CPA6: variants seen among roughly 807,000 people sequenced by gnomAD.
CPA6 encodes the protein carboxypeptidase A6, also known as carboxypeptidase B.
In CPA6, 58 loss-of-function variants were observed where a neutral mutation model predicts 63.3. The observed-to-expected ratio is 0.92, with a 90% CI of 0.74 to 1.14. CPA6 has a LOEUF of 1.14. CPA6 is among the 50% of genes most tolerant of loss of function. The probability of loss-of-function intolerance (pLI) is 0.00; values close to 1 mark genes in which losing one functional copy is unlikely to be tolerated. For synonymous variants in CPA6, 185 were observed against 179.0 expected, an observed-to-expected ratio of 1.03 and a Z score of -0.27; for missense variants, 565 against 526.6, an observed-to-expected ratio of 1.07 and a Z score of -0.71.
chr8:67,595,344 T>C (rs1426918506), intron 2 of CPA6, among the ~76,000 whole-genome samples: 1 of 152,228 alleles, frequency 6.6e-6, no homozygotes, highest in African/African-American at 2.4e-5. Flanking sequence ...AGGGACCCAC[T>C]TGAGGAGGCA....
At chr8:67,515,695 C>G (rs192593675) in intron 3 of CPA6, among the ~76,000 whole-genome samples, 149 of 152,228 alleles carry the variant, frequency 9.8e-4, no homozygotes, top group African/African-American at 3.4e-3. Context: ...TGCCATCAGC[C>G]AAGGAGATTC....
intron 6 of CPA6, among the ~76,000 whole-genome samples, chr8:67,497,287 C>G (rs1811740932): frequency 6.6e-6 from 1 of 152,208 alleles, no homozygotes. Context: ...CTTGCAACTA[C>G]TAATGTGCTT....
rs1448243852 is a variant in CPA6 at position 67,428,069 on chromosome 8, A to C, written c.1104T>G (p.Tyr368Ter). ...LQSVYGVRYR[Y>*]GPASTTLYVS... ...TACACAACGTTGTGGAGGCTGGTCC[A>C]TATCTGTATCGTACCCCGTATACTG... Residue 368 changes from tyrosine to a stop codon, truncating the protein, a stop_gained, in exon 10 of 11, where the codon TAT (tyrosine) becomes TAG (stop). Transcript: ENST00000297770. LOFTEE classifies it high-confidence loss of function. 1.9e-6 allele frequency: 3 copies of C among 1,612,382 alleles called. No individual in the cohort carries two copies. Among genetic ancestry groups the C allele is most frequent in the South Asian group, 2.2e-5 (2 of 91,014 alleles).
intron 2 of CPA6, among the ~76,000 whole-genome samples, chr8:67,618,256 C>T (rs1434267635): frequency 1.3e-5 from 2 of 152,178 alleles, no homozygotes; most frequent in Non-Finnish European, 2.9e-5. Context: ...ATATCTTCCA[C>T]AGCATGAATT....
chr8:67,587,004 G>T (rs1485508297), intron 2 of CPA6, among the ~76,000 whole-genome samples: 1 of 152,230 alleles, frequency 6.6e-6, no homozygotes, highest in Non-Finnish European at 1.5e-5. Flanking sequence ...CATATGTACT[G>T]GAGATTGAAA....
intron 1 of CPA6, among the ~76,000 whole-genome samples, chr8:67,699,225 C>T (rs533306050): frequency 6.6e-6 from 1 of 152,178 alleles, no homozygotes; most frequent in South Asian, 2.1e-4. Flanking sequence ...TGAGACCAGC[C>T]TGGGCAATGT....
intron 1 of CPA6, among the ~76,000 whole-genome samples, chr8:67,712,685 G>C (rs991040004): frequency 6.6e-6 from 1 of 152,112 alleles, no homozygotes; most frequent in Non-Finnish European, 1.5e-5. Flanking sequence ...TAAAAAACTA[G>C]CTCCTTCTCT....
chr8:67,627,686 A>G (rs1254065995), intron 1 of CPA6, among the ~76,000 whole-genome samples: 1 of 152,206 alleles, frequency 6.6e-6, no homozygotes, highest in Non-Finnish European at 1.5e-5. Flanking sequence ...GAAGCAGGAC[A>G]TCCCAGATTA....
At chr8:67,548,109 TTCCCTCCC>T (rs1292599015) in intron 2 of CPA6, among the ~76,000 whole-genome samples, 4 of 103,678 alleles carry the variant, frequency 3.9e-5, no homozygotes, top group Admixed American at 2.1e-4. Flanking sequence ...CTTTCCTTCC[TTCCCTCCC>T]TCCCTCCCTC....
chr8:67,506,739 G>A (rs1460992113), intron 6 of CPA6, 48 bp downstream of exon 6: 4 of 1,214,098 alleles, frequency 3.3e-6, no homozygotes, highest in Non-Finnish European at 4.9e-6. Context: ...AAAACACAGG[G>A]AAGCACTGAC....
At chr8:67,507,019 GAGTTC>G in intron 5 of CPA6, 131 bp from the exon 6 acceptor site, 2 of 609,228 alleles carry the variant, frequency 3.3e-6, no homozygotes, top group Non-Finnish European at 5.9e-6. Context: ...AGGACAAAGG[GAGTTC>G]CTATCTATCT....
intron 1 of CPA6, among the ~76,000 whole-genome samples, chr8:67,628,819 C>A (rs930963708): frequency 6.6e-6 from 1 of 152,102 alleles, no homozygotes; most frequent in Admixed American, 6.6e-5. Context: ...TATTTCTGGT[C>A]ATGAAAAAAT....
chr8:67,571,812 A>G (rs866891925), intron 2 of CPA6, among the ~76,000 whole-genome samples: 1 of 152,162 alleles, frequency 6.6e-6, no homozygotes, highest in Non-Finnish European at 1.5e-5. Flanking sequence ...ACTAAGCCCA[A>G]TGCTAGCAGA....
At chr8:67,573,902 A>T (rs1813554822) in intron 2 of CPA6, among the ~76,000 whole-genome samples, 1 of 149,990 alleles carries the variant, frequency 6.7e-6, no homozygotes. Flanking sequence ...AAAAAAAAAA[A>T]AAAAAAAAAA....
chr8:67,676,316 C>A (rs1816473820), intron 1 of CPA6, among the ~76,000 whole-genome samples: 1 of 152,212 alleles, frequency 6.6e-6, no homozygotes, highest in African/African-American at 2.4e-5. Context: ...TAAGGTTTAA[C>A]CCACGTTCAA....
At chr8:67,697,828 T>C (rs945532692) in intron 1 of CPA6, among the ~76,000 whole-genome samples, 1 of 152,186 alleles carries the variant, frequency 6.6e-6, no homozygotes, top group African/African-American at 2.4e-5. Flanking sequence ...AAGACTGATA[T>C]GTGTATTAAA....
chr8:67,677,261 C>T (rs528487465), intron 1 of CPA6, among the ~76,000 whole-genome samples: 70 of 151,794 alleles, frequency 4.6e-4, no homozygotes, highest in African/African-American at 1.7e-3. Context: ...TGAGTGATTT[C>T]TATCTGTTCC....
chr8:67,472,687 C>G (rs184773062), intron 8 of CPA6, among the ~76,000 whole-genome samples: 24 of 152,250 alleles, frequency 1.6e-4, no homozygotes, highest in Middle Eastern at 6.8e-3. Flanking sequence ...CTTGGCCTCC[C>G]CAAATGCTGG....
chr8:67,444,077 C>T (rs1356816561), intron 8 of CPA6, among the ~76,000 whole-genome samples: 5 of 151,610 alleles, frequency 3.3e-5, no homozygotes, highest in South Asian at 4.2e-4. Flanking sequence ...CTGCAAGCTC[C>T]GCCTCCCGGG....
Sources: allele counts gnomAD v4.1 joint callset (sites outside exome capture counted in the v4.1 genomes callset), GRCh38; gene constraint gnomAD v4.1.1; transcripts MANE v1.5; gene names NCBI Gene and HGNC (gene_info 2026-07-23, HGNC 2026-07-21).